The following AXDND1 variants were observed in gnomAD, a reference collection of about 807,000 sequenced individuals.
AXDND1 encodes the protein axonemal dynein light chain domain-containing protein 1.
A neutral mutation model predicts 137.5 loss-of-function variants in AXDND1; 110 were observed. That is an observed-to-expected ratio of 0.80 (90% CI 0.69 to 0.94). The LOEUF is 0.94. Ranked by LOEUF, AXDND1 falls within the 40% of genes least tolerant of loss-of-function variation. AXDND1 has a pLI of 0.00. For missense variants in AXDND1, 1,191 were observed against 1,169.8 expected, an observed-to-expected ratio of 1.02 and a Z score of -0.26; for synonymous variants, 414 against 399.7, an observed-to-expected ratio of 1.04 and a Z score of -0.43.
chr1:179,465,384 C>CCACT (rs1662976325), intron 16 of AXDND1, among the ~76,000 whole-genome samples: 1 of 152,204 alleles, frequency 6.6e-6, no homozygotes, highest in Non-Finnish European at 1.5e-5. Context: ...TGCTGGAGGT[C>CCACT]CACTCCAGAC....
chr1:179,485,149 C>T (rs1439459366), intron 18 of AXDND1, among the ~76,000 whole-genome samples: 1 of 152,250 alleles, frequency 6.6e-6, no homozygotes, highest in Non-Finnish European at 1.5e-5. Context: ...CAAATGTCCA[C>T]ATCCCTGCCC....
chr1:179,481,511 G>T (rs1470525844), intron 17 of AXDND1, among the ~76,000 whole-genome samples: 1 of 152,168 alleles, frequency 6.6e-6, no homozygotes, highest in African/African-American at 2.4e-5. Flanking sequence ...GTAATGGGAT[G>T]GCTGGGTCAA....
intron 23 of AXDND1, among the ~76,000 whole-genome samples, chr1:179,529,053 T>C (rs1294618882): frequency 6.6e-6 from 1 of 152,212 alleles, no homozygotes; most frequent in Non-Finnish European, 1.5e-5. Flanking sequence ...AACTGGGAAC[T>C]TAGAGACAGT....
chr1:179,467,629 C>A (rs989890498), intron 16 of AXDND1, among the ~76,000 whole-genome samples: 3 of 152,066 alleles, frequency 2.0e-5, no homozygotes, highest in Admixed American at 2.0e-4. Flanking sequence ...TCTGTAGATA[C>A]TGAGGGATGA....
chr1:179,432,282 A>G lies in AXDND1; in HGVS notation c.1503A>G (p.Leu501=). Residue 501 remains leucine, a synonymous_variant, in exon 15 of 26, where the codon TTA becomes TTG. Coordinates refer to ENST00000367618, the MANE Select transcript of AXDND1 (RefSeq NM_144696.6). ...WQEFFNEKDI[L]SPNKGNIFNS... ...TTCTTTTCAGTGAAAAAGACATTTT[A>G]TCCCCTAATAAGGGAAATATATTTA... 1 of 1,556,328 alleles carries G rather than the reference A, an allele frequency of 6.4e-7. No individual in the cohort carries two copies. The highest frequency in any genetic ancestry group is 8.7e-7 in the Non-Finnish European group (1 of 1,148,712).
chr1:179,401,929 T>C (rs1406973341), intron 11 of AXDND1, among the ~76,000 whole-genome samples: 1 of 152,076 alleles, frequency 6.6e-6, no homozygotes, highest in Admixed American at 6.6e-5. Flanking sequence ...ATCCCAGCAC[T>C]TTGGGAGGCT....
chr1:179,372,220 A>G (rs1236744376), intron 4 of AXDND1, among the ~76,000 whole-genome samples: 2 of 152,210 alleles, frequency 1.3e-5, no homozygotes, highest in Non-Finnish European at 2.9e-5. Context: ...TTCTCGAGTA[A>G]TATTTTTCGA....
At chr1:179,397,430 T>G (rs1317526092) in intron 11 of AXDND1, among the ~76,000 whole-genome samples, 1 of 152,158 alleles carries the variant, frequency 6.6e-6, no homozygotes, top group Non-Finnish European at 1.5e-5. Flanking sequence ...TTTCTTTTAT[T>G]TTGACTTTTG....
intron 21 of AXDND1, among the ~76,000 whole-genome samples, chr1:179,513,870 T>G (rs988334630): frequency 1.3e-5 from 2 of 152,170 alleles, no homozygotes; most frequent in African/African-American, 4.8e-5. Context: ...CTTAGTAGCC[T>G]TGAATGATCT....
intron 12 of AXDND1, among the ~76,000 whole-genome samples, chr1:179,412,929 C>G (rs1654115183): frequency 6.6e-6 from 1 of 152,086 alleles, no homozygotes; most frequent in Non-Finnish European, 1.5e-5. Flanking sequence ...CATATATACC[C>G]TTTATTGGGT....
chr1:179,400,052 TC>T (rs1197079713), intron 11 of AXDND1, among the ~76,000 whole-genome samples: 1 of 152,168 alleles, frequency 6.6e-6, no homozygotes, highest in African/African-American at 2.4e-5. Flanking sequence ...TACCATTTGA[TC>T]CAGCAATCTC....
chr1:179,478,505 C>T (rs1054376561), intron 17 of AXDND1, among the ~76,000 whole-genome samples: 1 of 152,200 alleles, frequency 6.6e-6, no homozygotes, highest in Non-Finnish European at 1.5e-5. Context: ...ATCTTGGACC[C>T]TTTTAGTCAT....
At chr1:179,527,797 G>C (rs1033494924) in intron 22 of AXDND1, among the ~76,000 whole-genome samples, 3 of 151,974 alleles carry the variant, frequency 2.0e-5, no homozygotes, top group African/African-American at 7.3e-5. Flanking sequence ...TTGGGGTCTG[G>C]GATAAGACCC....
At chr1:179,418,981 G>T (rs1471945472) in intron 12 of AXDND1, among the ~76,000 whole-genome samples, 1 of 151,944 alleles carries the variant, frequency 6.6e-6, no homozygotes, top group African/African-American at 2.4e-5. Context: ...CCCAGACGAG[G>T]CGGCGGGGCA....
At chr1:179,414,439 T>TTTATTTA (rs1558143305) in intron 12 of AXDND1, among the ~76,000 whole-genome samples, 2 of 70,124 alleles carry the variant, frequency 2.9e-5, no homozygotes, top group South Asian at 6.8e-4. Flanking sequence ...TTATTTATTT[T>TTTATTTA]TTTGAGATGG....
intron 21 of AXDND1, among the ~76,000 whole-genome samples, chr1:179,513,364 A>G (rs1260768722): frequency 6.6e-6 from 1 of 152,126 alleles, no homozygotes; most frequent in Admixed American, 6.6e-5. Flanking sequence ...GGTGTATCAC[A>G]TTTATTGACT....
At chr1:179,478,595 T>G (rs1391944412) in intron 17 of AXDND1, among the ~76,000 whole-genome samples, 2 of 152,154 alleles carry the variant, frequency 1.3e-5, no homozygotes, top group Non-Finnish European at 2.9e-5. Context: ...TCCTAAGCCT[T>G]CAGGCCTGTG....
At chr1:179,456,575 T>C (rs1661439218) in intron 16 of AXDND1, 2 of 778,538 alleles carry the variant, frequency 2.6e-6, no homozygotes, top group Non-Finnish European at 4.6e-6. Context: ...CAGGGCCACC[T>C]CCTCCATAAC....
In AXDND1 at chr1:179,402,175, A is replaced by C. The variant is rs932356287; in HGVS notation, c.1109+6973A>C. Among the ~76,000 whole-genome samples, 507 of 152,016 alleles carry C rather than the reference A, an allele frequency of 3.3e-3. 4 individuals are homozygous for C. The highest frequency in any genetic ancestry group is 0.012 in the African/African-American group (480 of 41,462). On this transcript the variant is annotated intron_variant, in intron 11 of 25. Transcript: ENST00000367618. ...GCGAGACTCCGTCTCAAAAAAAAAAAAAAAAAATCACCCTGTCTTGGGTAT... is the reference window on the plus strand; with the variant it reads ...GCGAGACTCCGTCTCAAAAAAAAAACAAAAAAATCACCCTGTCTTGGGTAT...
Sources: allele counts gnomAD v4.1 joint callset (sites outside exome capture counted in the v4.1 genomes callset), GRCh38; gene constraint gnomAD v4.1.1; transcripts MANE v1.5; gene names NCBI Gene and HGNC (gene_info 2026-07-23, HGNC 2026-07-21).